Variants in RNF169 observed in about 807,000 individuals in gnomAD.
RNF169 encodes ring finger protein 169, also known as E3 ubiquitin-protein ligase RNF169.
A neutral mutation model predicts 53.9 loss-of-function variants in RNF169; 24 were observed. The observed-to-expected ratio is 0.45, with a 90% CI of 0.32 to 0.63. The LOEUF (loss-of-function observed/expected upper bound fraction) is 0.63, where lower values mean the gene tolerates loss of function less well. Among genes scored for constraint, RNF169 ranks in the 20% least tolerant of loss-of-function variants. RNF169 has a pLI of 0.04. For synonymous variants in RNF169, 396 were observed against 363.5 expected, an observed-to-expected ratio of 1.09 and a Z score of -1.02; for missense variants, 883 against 906.2, an observed-to-expected ratio of 0.97 and a Z score of 0.33.
At chr11:74,812,747 A>AT (rs2035890846) in intron 3 of RNF169, among the ~76,000 whole-genome samples, 1 of 152,190 alleles carries the variant, frequency 6.6e-6, no homozygotes, top group African/African-American at 2.4e-5. Flanking sequence ...CCAAAGGATT[A>AT]TTTTTTATAT....
intron 4 of RNF169, among the ~76,000 whole-genome samples, chr11:74,821,289 C>G (rs186930423): frequency 3.2e-4 from 49 of 152,304 alleles, no homozygotes; most frequent in Middle Eastern, 3.4e-3. Flanking sequence ...TTTAAGAGAA[C>G]TCAAATCCTT....
At chr11:74,758,668 AT>A (rs917986593) in intron 1 of RNF169, among the ~76,000 whole-genome samples, 13 of 150,834 alleles carry the variant, frequency 8.6e-5, no homozygotes, top group African/African-American at 2.9e-4. Flanking sequence ...CGCCCGGCTA[AT>A]TTTTTTTTGT....
intron 1 of RNF169, among the ~76,000 whole-genome samples, chr11:74,785,186 GATATATATATGATATATATATATGAT>G (rs1192762608): frequency 3.1e-5 from 2 of 63,694 alleles, no homozygotes; most frequent in South Asian, 6.6e-4. Context: ...ATATATATAT[GATATATATATGATATATATATATGAT>G]ATATATATGT....
At position 74,836,524 on chromosome 11, in the gene RNF169, C is replaced by T. The variant is rs2036259902; in HGVS notation, c.1921C>T (p.Arg641Ter). The part of the protein sequence containing the change: ...LEQNGSLKKL[R>*]QTSGEVGLAP... ...ACAAAATGGCTCCCTTAAAAAACTG[C>T]GACAAACCAGTGGGGAGGTGGGTCT... Residue 641 changes from arginine (R) to a stop codon, truncating the protein, a stop_gained, in exon 6 of 6, where the codon CGA becomes TGA. Coordinates refer to ENST00000299563, the MANE Select transcript of RNF169 (RefSeq NM_001098638.2). LOFTEE classifies it high-confidence loss of function. The T allele has an allele frequency of 2.5e-6, 4 of 1,613,960 alleles. No individual in the cohort carries two copies. Among genetic ancestry groups the T allele is most frequent in the Non-Finnish European group, 2.5e-6 (3 of 1,180,028 alleles).
intron 1 of RNF169, among the ~76,000 whole-genome samples, chr11:74,771,878 T>C (rs2035265576): frequency 6.6e-6 from 1 of 152,142 alleles, no homozygotes; most frequent in Non-Finnish European, 1.5e-5. Flanking sequence ...CATCAAGACC[T>C]TCTCTCTATA....
rs140943231 is a variant in RNF169 at position 74,780,418 on chromosome 11, C to T, written c.503-9208C>T. Among the ~76,000 whole-genome samples, 441 of 152,306 alleles carry T rather than the reference C, an allele frequency of 2.9e-3. 1 individual carries two copies. The highest frequency in any genetic ancestry group is 5.8e-3 in the Admixed American group (88 of 15,304). Reference sequence around the variant, plus strand: ...CACAACATAGTCACTTCTGCCTTTGCTTGTGAAGTTTCCTTTGCCAGAAAT... The same window carrying T: ...CACAACATAGTCACTTCTGCCTTTGTTTGTGAAGTTTCCTTTGCCAGAAAT... On this transcript the variant is annotated intron_variant, in intron 1 of 5. Coordinates refer to ENST00000299563, the MANE Select transcript of RNF169 (RefSeq NM_001098638.2).
Position 74,836,044 on chromosome 11 carries a change from A to T in RNF169, c.1441A>T (p.Asn481Tyr), listed in dbSNP as rs1189621267. Residue 481 changes from asparagine (N) to tyrosine (Y), a missense_variant, in exon 6 of 6, where the codon AAT becomes TAT. Asn to Tyr is a moderately radical substitution (Grantham distance 143, BLOSUM62 -2). Transcript: ENST00000299563. ...CAAGGAGAAGCCACTTGTGGCTGTA[A>T]ATACAAGATTATCTGGTGGGCAGGT... ...SSKEKPLVAV[N>Y]TRLSGGQVLS... The T allele has an allele frequency of 1.2e-6, 2 of 1,614,164 alleles. No individual in the cohort carries two copies. The highest frequency in any genetic ancestry group is 1.7e-6 in the Non-Finnish European group (2 of 1,180,032).
chr11:74,800,658 C>T (rs1192762114), intron 2 of RNF169, among the ~76,000 whole-genome samples: 1 of 152,188 alleles, frequency 6.6e-6, no homozygotes, highest in African/African-American at 2.4e-5. Flanking sequence ...CCTTCTGTTG[C>T]TGCCATTTAT....
intron 1 of RNF169, among the ~76,000 whole-genome samples, chr11:74,782,534 G>C (rs564599573): frequency 6.6e-6 from 1 of 151,984 alleles, no homozygotes; most frequent in East Asian, 1.9e-4. Context: ...TGCTCCCCCC[G>C]CAACCCCTAC....
Position 74,806,009 on chromosome 11 carries a change from GAGA to G in RNF169, c.577-4169_577-4167del, listed in dbSNP as rs371088975. ...GAAAGTCAAGCTTCTGTGTGAGAGG[GAGA>G]AGAAGTATACATGTATATATATACA... On this transcript the variant is annotated intron_variant, in intron 2 of 5. Transcript: ENST00000299563. 1.2e-3 allele frequency among the ~76,000 whole-genome samples: 186 copies of G among 152,074 alleles called. 3 individuals are homozygous for G. In the South Asian group the frequency reaches 0.037, roughly 30 times the overall value.
At chr11:74,833,126 G>C (rs2036204558) in intron 4 of RNF169, among the ~76,000 whole-genome samples, 1 of 152,306 alleles carries the variant, frequency 6.6e-6, no homozygotes, top group African/African-American at 2.4e-5. Flanking sequence ...TATAGGATGG[G>C]AGGGTTTTGA....
At chr11:74,777,691 A>C (rs1343805757) in intron 1 of RNF169, among the ~76,000 whole-genome samples, 1 of 151,212 alleles carries the variant, frequency 6.6e-6, no homozygotes, top group Non-Finnish European at 1.5e-5. Context: ...TCTTTTGCCC[A>C]GGTTGGAGTG....
chr11:74,767,368 A>T (rs1048850848), intron 1 of RNF169, among the ~76,000 whole-genome samples: 1 of 152,102 alleles, frequency 6.6e-6, no homozygotes, highest in Non-Finnish European at 1.5e-5. Flanking sequence ...ATTATTTAAA[A>T]AAAACTAGAA....
chr11:74,828,334 CCAAA>C (rs2036128993), intron 4 of RNF169, among the ~76,000 whole-genome samples: 1 of 151,912 alleles, frequency 6.6e-6, no homozygotes, highest in South Asian at 2.1e-4. Context: ...CAGAGATGAC[CCAAA>C]CAAATGGAAA....
chr11:74,837,755 T>TA lies in RNF169; in HGVS notation c.*1028dup, dbSNP rs1555001838. 6.6e-6 allele frequency: 1 copy of TA among 152,242 alleles called. No individual in the cohort carries two copies. The highest frequency in any genetic ancestry group is 1.5e-5 in the Non-Finnish European group (1 of 68,046). 9.4% of individuals were successfully genotyped at this position (152,242 alleles called of 1,614,324 possible). ...CTGAAGTCAGGCAAGGAACAATACT[T>TA]AAACTCCATACTATGGAAACAAGGT... is the stretch of plus-strand genomic sequence containing the variant. On this transcript the variant is annotated 3_prime_UTR_variant, in exon 6 of 6. Transcript: ENST00000299563.
chr11:74,800,331 C>T (rs1478468054), intron 2 of RNF169, among the ~76,000 whole-genome samples: 2 of 151,956 alleles, frequency 1.3e-5, no homozygotes, highest in African/African-American at 4.8e-5. Context: ...TTGTTTATTG[C>T]AGACTTTTTA....
intron 2 of RNF169, 72 bp from the exon 3 acceptor site, chr11:74,810,108 TAAAC>T (rs1310205430): frequency 7.6e-6 from 10 of 1,315,882 alleles, no homozygotes; most frequent in African/African-American, 1.5e-5. Flanking sequence ...TTTGTTCTAA[TAAAC>T]TACAGAGTAA....
At chr11:74,826,698 T>C (rs536229833) in intron 4 of RNF169, among the ~76,000 whole-genome samples, 17 of 152,334 alleles carry the variant, frequency 1.1e-4, no homozygotes, top group South Asian at 4.1e-4. Context: ...CCGATTTCCA[T>C]TGGGAGAAAT....
intron 4 of RNF169, among the ~76,000 whole-genome samples, chr11:74,818,828 A>G (rs1014532195): frequency 6.6e-6 from 1 of 152,096 alleles, no homozygotes; most frequent in African/African-American, 2.4e-5. Context: ...GCTCCTGTGA[A>G]TACACACCCA....
Sources: gnomAD v4.1 joint callset for allele counts (sites outside exome capture counted in the v4.1 genomes callset) on GRCh38, gnomAD v4.1.1 for gene constraint, MANE v1.5 for transcripts, NCBI Gene and HGNC (gene_info 2026-07-23, HGNC 2026-07-21) for gene names.